Variants in ADK observed in about 807,000 individuals in gnomAD.
ADK encodes the protein adenosine kinase.
Under a neutral mutation model 44.7 loss-of-function variants are expected in ADK, and 24 were observed. The ratio of observed to expected loss-of-function variants is 0.54; its 90% confidence interval spans 0.39 to 0.76. The LOEUF is 0.76. ADK is among the 30% of genes least tolerant of loss of function. ADK has a pLI of 0.00. For synonymous variants in ADK, 128 were observed against 142.6 expected, an observed-to-expected ratio of 0.90 and a Z score of 0.73; for missense variants, 321 against 425.1, an observed-to-expected ratio of 0.76 and a Z score of 2.15.
At chr10:74,177,895 G>C (rs1842400843) in intron 1 of ADK, among the ~76,000 whole-genome samples, 1 of 149,006 alleles carries the variant, frequency 6.7e-6, no homozygotes, top group African/African-American at 2.5e-5. Flanking sequence ...GCTGAACTCG[G>C]ACATAGTCTG....
At chr10:74,173,329 G>A (rs1047541901) in intron 1 of ADK, among the ~76,000 whole-genome samples, 8 of 151,738 alleles carry the variant, frequency 5.3e-5, no homozygotes, top group Admixed American at 2.0e-4. Flanking sequence ...TCCTGACCTC[G>A]TGATCCACCC....
At chr10:74,465,051 C>A (rs1846304632) in intron 6 of ADK, among the ~76,000 whole-genome samples, 1 of 151,678 alleles carries the variant, frequency 6.6e-6, no homozygotes, top group South Asian at 2.1e-4. Flanking sequence ...AACAAAATAT[C>A]TAGTATATTA....
intron 10 of ADK, among the ~76,000 whole-genome samples, chr10:74,698,871 T>TTTG (rs373300150): frequency 0.03 from 4,489 of 151,932 alleles, 98 homozygotes; most frequent in Non-Finnish European, 0.047. Flanking sequence ...TTTTTGTTTT[T>TTTG]TTGTTGTTGT....
At chr10:74,440,293 G>T (rs538686464) in intron 6 of ADK, among the ~76,000 whole-genome samples, 2 of 152,204 alleles carry the variant, frequency 1.3e-5, no homozygotes, top group East Asian at 3.9e-4. Flanking sequence ...TTTGAAAAAT[G>T]CAGGAACTCA....
chr10:74,185,254 A>G (rs1442382792), intron 1 of ADK, among the ~76,000 whole-genome samples: 1 of 152,208 alleles, frequency 6.6e-6, no homozygotes, highest in Non-Finnish European at 1.5e-5. Context: ...TTTGCTGTAA[A>G]GGAGAGCAGG....
At chr10:74,537,225 T>C (rs1849483445) in intron 7 of ADK, among the ~76,000 whole-genome samples, 1 of 152,234 alleles carries the variant, frequency 6.6e-6, no homozygotes, top group South Asian at 2.1e-4. Flanking sequence ...AGTGACAAAT[T>C]TCTGTTTCTT....
At chr10:74,388,711 G>A (rs1564692772) in intron 4 of ADK, among the ~76,000 whole-genome samples, 1 of 152,076 alleles carries the variant, frequency 6.6e-6, no homozygotes, top group Non-Finnish European at 1.5e-5. Context: ...CTTAAAGTCT[G>A]AGACCTTGAT....
At chr10:74,687,222 G>T (rs1855827268) in intron 10 of ADK, among the ~76,000 whole-genome samples, 1 of 152,170 alleles carries the variant, frequency 6.6e-6, no homozygotes, top group African/African-American at 2.4e-5. Context: ...GTTCAAGTCA[G>T]TTCTGGAGAC....
intron 9 of ADK, among the ~76,000 whole-genome samples, chr10:74,625,022 A>C (rs879729781): frequency 6.6e-6 from 1 of 152,148 alleles, no homozygotes; most frequent in Admixed American, 6.5e-5. Context: ...ATGTAACAGC[A>C]CAAATAAATT....
chr10:74,184,548 G>GTC (rs1454370759), intron 1 of ADK, among the ~76,000 whole-genome samples: 1 of 148,504 alleles, frequency 6.7e-6, no homozygotes, highest in African/African-American at 2.5e-5. Context: ...TGTGTGTCAG[G>GTC]GGGGTGGGTA....
chr10:74,573,711 C>T (rs1349000225), intron 7 of ADK, among the ~76,000 whole-genome samples: 3 of 152,168 alleles, frequency 2.0e-5, no homozygotes, highest in East Asian at 1.9e-4. Flanking sequence ...TCGGCAATGG[C>T]GGGCGCCCCT....
chr10:74,403,829 G>A (rs1261587368), intron 6 of ADK, among the ~76,000 whole-genome samples: 1 of 152,090 alleles, frequency 6.6e-6, no homozygotes, highest in South Asian at 2.1e-4. Flanking sequence ...CATCACTCAC[G>A]CTGGGAGCTG....
chr10:74,151,396 G>A, intron 1 of ADK, 53 bp downstream of exon 1: 1 of 1,537,328 alleles, frequency 6.5e-7, no homozygotes, highest in Non-Finnish European at 8.8e-7. Flanking sequence ...AGCAAGCCAG[G>A]GCCCACGTGG....
chr10:74,391,820 C>T (rs996778559), intron 4 of ADK, among the ~76,000 whole-genome samples: 1 of 152,110 alleles, frequency 6.6e-6, no homozygotes, highest in African/African-American at 2.4e-5. Context: ...TCTTGCAACA[C>T]TGAAACTCTG....
intron 6 of ADK, among the ~76,000 whole-genome samples, chr10:74,490,140 A>G (rs960861726): frequency 6.6e-6 from 1 of 152,054 alleles, no homozygotes; most frequent in Non-Finnish European, 1.5e-5. Context: ...AATCCATGAC[A>G]TCTGAATTTC....
At chr10:74,651,203 A>G (rs780925777) in intron 9 of ADK, among the ~76,000 whole-genome samples, 26 of 152,090 alleles carry the variant, frequency 1.7e-4, no homozygotes, top group Admixed American at 5.2e-4. Context: ...CTATTTTGAC[A>G]CAGGGTCTTA....
At chr10:74,469,883 T>C (rs1466233679) in intron 6 of ADK, among the ~76,000 whole-genome samples, 2 of 152,148 alleles carry the variant, frequency 1.3e-5, no homozygotes, top group African/African-American at 4.8e-5. Flanking sequence ...GATCATGGTT[T>C]ATGGCTGGCT....
chr10:74,459,050 G>T (rs1048098350), intron 6 of ADK, among the ~76,000 whole-genome samples: 2 of 151,938 alleles, frequency 1.3e-5, no homozygotes, highest in Admixed American at 6.6e-5. Flanking sequence ...AGGCTGAGGC[G>T]GGTGGATCAC....
At chr10:74,330,395 C>T (rs1320862111) in intron 4 of ADK, among the ~76,000 whole-genome samples, 2 of 152,054 alleles carry the variant, frequency 1.3e-5, no homozygotes, top group East Asian at 3.9e-4. Context: ...TTTACTCTAT[C>T]CTGGGAAACA....
Sources: gnomAD v4.1 joint callset for allele counts (sites outside exome capture counted in the v4.1 genomes callset) on GRCh38, gnomAD v4.1.1 for gene constraint, MANE v1.5 for transcripts, NCBI Gene and HGNC (gene_info 2026-07-23, HGNC 2026-07-21) for gene names.